Variants in ACOXL observed in about 807,000 individuals in gnomAD.
ACOXL encodes the protein acyl-coenzyme A oxidase-like protein.
In ACOXL, 70 loss-of-function variants were observed where a neutral mutation model predicts 71.9. That is an observed-to-expected ratio of 0.97 (90% CI 0.80 to 1.19). The LOEUF (loss-of-function observed/expected upper bound fraction) is 1.19. Ranked by LOEUF, ACOXL falls within the 50% of genes most tolerant of loss-of-function variation. ACOXL has a pLI of 0.00. For missense variants in ACOXL, 703 were observed against 736.3 expected (o/e 0.95, Z 0.52); for synonymous variants, 253 against 281.6 (o/e 0.90, Z 1.02).
intron 14 of ACOXL, among the ~76,000 whole-genome samples, chr2:111,020,471 GTGGTGGAGGGTATTC>G (rs2064699011): frequency 6.6e-6 from 1 of 152,232 alleles, no homozygotes; most frequent in Admixed American, 6.5e-5. Context: ...AGGTAGTTAG[GTGGTGGAGGGTATTC>G]TGGTGGAGAG....
intron 12 of ACOXL, chr2:110,963,571 G>C (rs56178363): frequency 0.12 from 54,426 of 435,510 alleles, 1,206 homozygotes; most frequent in South Asian, 0.16. Context: ...TGAAATGTGT[G>C]TGTGTGTGTG....
rs1230120808 is a variant in ACOXL, at chr2:110,996,001, T to C, written c.1278T>C (p.Tyr426=). 6.3e-7 allele frequency: 1 copy of C among 1,588,154 alleles called. No individual in the cohort carries two copies. Among genetic ancestry groups the C allele is most frequent in the East Asian group, 2.2e-5 (1 of 44,868 alleles). The change falls in exon 14 of 18, where the codon TAT becomes TAC. Residue 426 remains tyrosine (Y), a synonymous_variant. Coordinates refer to ENST00000439055, the MANE Select transcript of ACOXL (RefSeq NM_001142807.4). ...GGGGTTTGGTGGCCAGAATTTATTATAAGGTAAAGATACACTGTGTTATAT... is the reference window on the plus strand; with the variant it reads ...GGGGTTTGGTGGCCAGAATTTATTACAAGGTAAAGATACACTGTGTTATAT... ...LQRGLVARIY[Y]KVKTKKEDFF...
intron 2 of ACOXL, among the ~76,000 whole-genome samples, chr2:110,771,462 G>A (rs1023343104): frequency 1.3e-5 from 2 of 152,120 alleles, no homozygotes; most frequent in Non-Finnish European, 1.5e-5. Flanking sequence ...GAGGCAGAAC[G>A]CGGTGTATAA....
intron 16 of ACOXL, among the ~76,000 whole-genome samples, chr2:111,052,696 A>G (rs2066351935): frequency 6.6e-6 from 1 of 151,952 alleles, no homozygotes; most frequent in African/African-American, 2.4e-5. Context: ...TCTTAGTCCT[A>G]TTTGCCAATT....
intron 16 of ACOXL, among the ~76,000 whole-genome samples, chr2:111,064,753 T>C (rs1352583724): frequency 1.3e-5 from 2 of 152,170 alleles, no homozygotes; most frequent in African/African-American, 4.8e-5. Flanking sequence ...AAAAACACCA[T>C]GTACAATGTC....
chr2:111,084,764 G>T (rs1336448833), intron 16 of ACOXL, among the ~76,000 whole-genome samples: 1 of 151,960 alleles, frequency 6.6e-6, no homozygotes, highest in African/African-American at 2.4e-5. Flanking sequence ...CAATTAAAAG[G>T]CACAGAGTGG....
intron 1 of ACOXL, among the ~76,000 whole-genome samples, chr2:110,746,877 C>G (rs1311554308): frequency 6.7e-6 from 1 of 149,694 alleles, no homozygotes; most frequent in East Asian, 2.0e-4. Flanking sequence ...TGAAAGCTTA[C>G]TAGTCTCCAA....
chr2:110,768,670 G>A (rs1020113163), intron 2 of ACOXL, among the ~76,000 whole-genome samples: 7 of 152,098 alleles, frequency 4.6e-5, no homozygotes, highest in Non-Finnish European at 8.8e-5. Flanking sequence ...CTGAACTCAC[G>A]ATAGGTAGTT....
At chr2:110,925,820 C>T (rs1044269458) in intron 11 of ACOXL, among the ~76,000 whole-genome samples, 2 of 145,464 alleles carry the variant, frequency 1.4e-5, no homozygotes, top group African/African-American at 2.5e-5. Flanking sequence ...CAGTTTTCAA[C>T]ATGCCTTCCT....
chr2:111,106,692 G>T (rs539660148), intron 17 of ACOXL, among the ~76,000 whole-genome samples: 2 of 152,180 alleles, frequency 1.3e-5, no homozygotes, highest in African/African-American at 2.4e-5. Flanking sequence ...CACTGTTCCA[G>T]TGGGGAAAAG....
At chr2:110,944,528 CTGT>C (rs957856939) in intron 12 of ACOXL, among the ~76,000 whole-genome samples, 6 of 152,136 alleles carry the variant, frequency 3.9e-5, no homozygotes, top group Non-Finnish European at 7.3e-5. Flanking sequence ...GCCCCAGTGT[CTGT>C]TGTTCCCTTC....
intron 2 of ACOXL, among the ~76,000 whole-genome samples, chr2:110,778,259 T>A (rs879877231): frequency 6.6e-6 from 1 of 152,194 alleles, no homozygotes; most frequent in Non-Finnish European, 1.5e-5. Flanking sequence ...TATAAAAAGA[T>A]GCACAAACCA....
At chr2:110,913,288 C>T (rs2059712232) in intron 11 of ACOXL, among the ~76,000 whole-genome samples, 1 of 152,048 alleles carries the variant, frequency 6.6e-6, no homozygotes, top group South Asian at 2.1e-4. Context: ...TATATGCACA[C>T]AAAAATGTGC....
intron 16 of ACOXL, among the ~76,000 whole-genome samples, chr2:111,075,591 T>C (rs2149949201): frequency 6.6e-6 from 1 of 152,094 alleles, no homozygotes; most frequent in Non-Finnish European, 1.5e-5. Context: ...TTTATATTTA[T>C]TATTTATTTT....
At chr2:110,797,615 A>G (rs1408935338) in intron 5 of ACOXL, among the ~76,000 whole-genome samples, 1 of 152,200 alleles carries the variant, frequency 6.6e-6, no homozygotes, top group Non-Finnish European at 1.5e-5. Context: ...ACCAAGATCC[A>G]TGTCATGGAG....
chr2:110,781,219 T>C (rs1465940189), intron 2 of ACOXL, among the ~76,000 whole-genome samples: 1 of 152,194 alleles, frequency 6.6e-6, no homozygotes, highest in Non-Finnish European at 1.5e-5. Flanking sequence ...CTGTAAATTT[T>C]ACCTTAGTAA....
chr2:110,820,232 TAGTGGGAGGAACAAC>T (rs1486115114), intron 9 of ACOXL, among the ~76,000 whole-genome samples: 1 of 152,022 alleles, frequency 6.6e-6, no homozygotes, highest in African/African-American at 2.4e-5. Flanking sequence ...AATAGTGTTT[TAGTGGGAGGAACAAC>T]AGGAGCACGT....
intron 9 of ACOXL, among the ~76,000 whole-genome samples, chr2:110,836,727 G>A (rs1464327830): frequency 1.3e-5 from 2 of 152,176 alleles, no homozygotes; most frequent in Non-Finnish European, 2.9e-5. Flanking sequence ...AATTCTTTAG[G>A]CCTTTGAAAT....
intron 12 of ACOXL, among the ~76,000 whole-genome samples, chr2:110,935,658 G>A (rs2060635186): frequency 1.3e-5 from 2 of 152,154 alleles, no homozygotes; most frequent in East Asian, 1.9e-4. Flanking sequence ...GAGCAACCTG[G>A]GGCAGAGGGC....
Sources: gnomAD v4.1 joint callset for allele counts (sites outside exome capture counted in the v4.1 genomes callset) on GRCh38, gnomAD v4.1.1 for gene constraint, MANE v1.5 for transcripts, NCBI Gene and HGNC (gene_info 2026-07-23, HGNC 2026-07-21) for gene names.